The following EYA4 variants were observed in gnomAD, a reference collection of about 807,000 sequenced individuals.
EYA4 encodes EYA transcriptional coactivator and phosphatase 4.
EYA4 carries 31 observed loss-of-function variants against 87.9 expected under a neutral mutation model. The ratio of observed to expected loss-of-function variants is 0.35; its 90% CI spans 0.27 to 0.48. The LOEUF (loss-of-function observed/expected upper bound fraction) is 0.48. EYA4 is among the 20% of genes least tolerant of loss of function. EYA4 has a pLI of 0.99. For synonymous variants in EYA4, 263 were observed against 270.6 expected (o/e 0.97, Z 0.28); for missense variants, 678 against 761.4 (o/e 0.89, Z 1.29).
At chr6:133,241,095 A>C (rs994564168), upstream of EYA4, among the ~76,000 whole-genome samples, 3 of 143,728 alleles carry the variant, frequency 2.1e-5, no homozygotes, top group Non-Finnish European at 4.4e-5. Flanking sequence ...GCCACCCGGG[A>C]CATCCAGGGC....
At chr6:133,304,412 C>T (rs545288508) in intron 2 of EYA4, among the ~76,000 whole-genome samples, 12 of 152,126 alleles carry the variant, frequency 7.9e-5, no homozygotes, top group African/African-American at 2.9e-4. Flanking sequence ...CCAGCCAAAT[C>T]CTGAAATATG....
intron 2 of EYA4, among the ~76,000 whole-genome samples, chr6:133,332,711 A>ATTTTTTTTTTT (rs71003634): frequency 5.1e-4 from 64 of 124,888 alleles, no homozygotes; most frequent in African/African-American, 1.2e-3. Flanking sequence ...GCCCAGCTAA[A>ATTTTTTTTTTT]TTTTTTTTTT....
intron 3 of EYA4, among the ~76,000 whole-genome samples, chr6:133,390,468 C>T (rs146994066): frequency 1.8e-4 from 28 of 152,278 alleles, no homozygotes; most frequent in Non-Finnish European, 3.5e-4. Context: ...GTCATCTGCC[C>T]GCCTTGGCCT....
intron 3 of EYA4, chr6:133,435,575 C>G (rs1016875483): frequency 1.9e-4 from 29 of 152,210 alleles, no homozygotes; most frequent in African/African-American, 7.0e-4. Context: ...GCCAGCCTGC[C>G]AGCAGAGTAA....
intron 3 of EYA4, among the ~76,000 whole-genome samples, chr6:133,445,038 C>A (rs1792674748): frequency 6.6e-6 from 1 of 151,850 alleles, no homozygotes. Flanking sequence ...TTTTTGGCTT[C>A]TTGGGGTTAA....
chr6:133,276,797 G>C (rs779642778), intron 2 of EYA4, among the ~76,000 whole-genome samples: 1 of 151,862 alleles, frequency 6.6e-6, no homozygotes, highest in Non-Finnish European at 1.5e-5. Flanking sequence ...GGCAGAGTTA[G>C]GACTTCACAC....
intron 2 of EYA4, among the ~76,000 whole-genome samples, chr6:133,321,768 T>G (rs189487344): frequency 3.2e-4 from 49 of 152,260 alleles, no homozygotes; most frequent in Non-Finnish European, 6.0e-4. Flanking sequence ...CTTTTCACAT[T>G]AGATGAAATT....
At position 133,353,302 on chromosome 6, in the gene EYA4, G is replaced by T. The variant is rs139477562; in HGVS notation, c.34-29090G>T. ...GTGAGTATGCCTGTGCTTCCATGCT[G>T]TGTATGTGTATGTGTGTTATAAAAT... On this transcript the variant is annotated intron_variant, in intron 2 of 19. Coordinates refer to ENST00000355286, the MANE Select transcript of EYA4 (RefSeq NM_004100.5). Among the ~76,000 whole-genome samples the T allele has an allele frequency of 8.7e-4, 133 of 152,228 alleles. 1 individual carries two copies. The highest frequency in any genetic ancestry group is 3.1e-3 in the African/African-American group (130 of 41,566).
intron 2 of EYA4, among the ~76,000 whole-genome samples, chr6:133,318,946 C>T (rs1191159348): frequency 6.6e-6 from 1 of 152,172 alleles, no homozygotes; most frequent in Non-Finnish European, 1.5e-5. Context: ...TCATATGAAT[C>T]TGTGGAGTTG....
At chr6:133,423,608 TTTA>T (rs1325250989) in intron 3 of EYA4, among the ~76,000 whole-genome samples, 3 of 152,198 alleles carry the variant, frequency 2.0e-5, no homozygotes, top group African/African-American at 7.2e-5. Context: ...TAAAATAAAT[TTTA>T]TTACAAAGGT....
At chr6:133,472,884 A>C (rs1189640965) in intron 11 of EYA4, among the ~76,000 whole-genome samples, 1 of 148,678 alleles carries the variant, frequency 6.7e-6, no homozygotes, top group East Asian at 2.0e-4. Context: ...TTGTTGGTTT[A>C]AAGTCTGTTT....
intron 3 of EYA4, among the ~76,000 whole-genome samples, chr6:133,405,144 C>T (rs907405419): frequency 5.3e-5 from 8 of 152,152 alleles, no homozygotes; most frequent in Admixed American, 6.6e-5. Context: ...GGCCTCAACA[C>T]ACTGTGCTAG....
At chr6:133,379,240 G>A (rs571177527) in intron 2 of EYA4, among the ~76,000 whole-genome samples, 2 of 152,098 alleles carry the variant, frequency 1.3e-5, no homozygotes, top group South Asian at 2.1e-4. Flanking sequence ...CCTATGAATA[G>A]CCACTGCACT....
chr6:133,267,272 T>C (rs769475854), intron 1 of EYA4, among the ~76,000 whole-genome samples: 5 of 152,212 alleles, frequency 3.3e-5, no homozygotes, highest in African/African-American at 7.2e-5. Flanking sequence ...TTTTTAGTGT[T>C]TCCCATTCAT....
intron 2 of EYA4, among the ~76,000 whole-genome samples, chr6:133,285,281 A>T (rs935879525): frequency 6.6e-6 from 1 of 152,092 alleles, no homozygotes; most frequent in Non-Finnish European, 1.5e-5. Context: ...GAGAGTAGTT[A>T]GGGAGGCCTC....
chr6:133,458,538 G>GTA (rs555426588), intron 6 of EYA4, among the ~76,000 whole-genome samples: 222 of 152,216 alleles, frequency 1.5e-3, no homozygotes, highest in African/African-American at 5.1e-3. Flanking sequence ...CACTGTTAAA[G>GTA]ACTTGGGCTA....
chr6:133,383,488 A>G, intron 3 of EYA4, among the ~76,000 whole-genome samples: 1 of 125,094 alleles, frequency 8.0e-6, no homozygotes, highest in African/African-American at 2.9e-5. Context: ...ATTGCACTCC[A>G]GCCTGGGCGA....
chr6:133,343,157 A>G (rs191780057), intron 2 of EYA4, among the ~76,000 whole-genome samples: 1 of 152,302 alleles, frequency 6.6e-6, no homozygotes, highest in East Asian at 1.9e-4. Flanking sequence ...GGGTTTCTTT[A>G]CAGAAAAGAA....
At chr6:133,487,848 G>A (rs1214820232) in intron 13 of EYA4, among the ~76,000 whole-genome samples, 2 of 152,170 alleles carry the variant, frequency 1.3e-5, no homozygotes, top group Non-Finnish European at 2.9e-5. Context: ...CTTGAGAAAA[G>A]GAGAAGGAAG....
Sources: gnomAD v4.1 joint callset for allele counts (sites outside exome capture counted in the v4.1 genomes callset) on GRCh38, gnomAD v4.1.1 for gene constraint, MANE v1.5 for transcripts, NCBI Gene and HGNC (gene_info 2026-07-23, HGNC 2026-07-21) for gene names.